Variants in CCDC73 observed in about 807,000 individuals in gnomAD.
CCDC73 encodes the protein coiled-coil domain-containing protein 73.
In CCDC73, 95 loss-of-function variants were observed where a neutral mutation model predicts 116.5. The observed-to-expected ratio is 0.82, with a 90% CI of 0.69 to 0.97. The LOEUF is 0.97. Among genes scored for constraint, CCDC73 ranks in the 50% least tolerant of loss-of-function variants. CCDC73 has a pLI of 0.00. For missense variants in CCDC73, 1,066 were observed against 1,206.8 expected (o/e 0.88, Z 1.73); for synonymous variants, 398 against 401.3 (o/e 0.99, Z 0.10).
rs1850404532 is a variant in CCDC73, at chr11:32,762,910, CT to C, written c.-15-2653del. Among the ~76,000 whole-genome samples, 7 of 152,280 alleles carry C rather than the reference CT, an allele frequency of 4.6e-5. No homozygotes were observed. The South Asian group carries it at 1.4e-3, about 32-fold the overall frequency. On this transcript the variant is annotated intron_variant, in intron 1 of 17. Coordinates refer to ENST00000335185, the MANE Select transcript of CCDC73 (RefSeq NM_001008391.4). Reference sequence around the variant, plus strand: ...GAGTCACTCCCACCCTAATACTGCACTTTTCCAAGGGTCCTAGCAAACGGCA... The same window carrying C: ...GAGTCACTCCCACCCTAATACTGCACTTTCCAAGGGTCCTAGCAAACGGCA...
At chr11:32,636,841 T>C (rs1156881262) in intron 13 of CCDC73, among the ~76,000 whole-genome samples, 1 of 151,850 alleles carries the variant, frequency 6.6e-6, no homozygotes, top group Non-Finnish European at 1.5e-5. Context: ...TCTTCATTCC[T>C]TCCTCTCCTA....
At chr11:32,685,956 G>A (rs547544217) in intron 6 of CCDC73, among the ~76,000 whole-genome samples, 5 of 151,856 alleles carry the variant, frequency 3.3e-5, no homozygotes, top group South Asian at 2.1e-4. Context: ...TCTTGACCTC[G>A]TGATCTGCCT....
At chr11:32,776,438 C>T (rs1489696535) in intron 1 of CCDC73, among the ~76,000 whole-genome samples, 1 of 152,084 alleles carries the variant, frequency 6.6e-6, no homozygotes, top group Admixed American at 6.6e-5. Flanking sequence ...TTTCATCCCC[C>T]TTTTCAACTT....
the CCDC73 span, among the ~76,000 whole-genome samples, chr11:32,828,528 A>AG: frequency 6.6e-6 from 1 of 151,276 alleles, no homozygotes. Context: ...AAAAAAAAAA[A>AG]TGAAGGGGGA....
intron 12 of CCDC73, among the ~76,000 whole-genome samples, chr11:32,649,552 T>C (rs1262462597): frequency 6.6e-6 from 1 of 152,180 alleles, no homozygotes; most frequent in Non-Finnish European, 1.5e-5. Context: ...ACAGGTAGAA[T>C]GAGAATGCTC....
At chr11:32,670,510 A>G (rs1355225009) in intron 9 of CCDC73, among the ~76,000 whole-genome samples, 2 of 134,590 alleles carry the variant, frequency 1.5e-5, no homozygotes, top group Non-Finnish European at 3.2e-5. Flanking sequence ...CAACAGAGCA[A>G]GGCTCTGTCT....
chr11:32,675,837 T>C, intron 8 of CCDC73, 49 bp downstream of exon 8: 2 of 1,461,322 alleles, frequency 1.4e-6, no homozygotes, highest in Non-Finnish European at 1.9e-6. Flanking sequence ...AATAAGTCCA[T>C]TCAAACATTC....
chr11:32,757,227 T>C (rs1401507434), intron 2 of CCDC73, among the ~76,000 whole-genome samples: 1 of 151,914 alleles, frequency 6.6e-6, no homozygotes. Context: ...TATAAAAATC[T>C]AGAACAGAGA....
At chr11:32,818,690 C>T in the CCDC73 span, among the ~76,000 whole-genome samples, 1,602 of 152,174 alleles carry the variant, frequency 0.011, 27 homozygotes, top group African/African-American at 0.036. Context: ...TTGAACAAAA[C>T]GCCGTATATC....
chr11:32,608,220 C>A (rs1464775335), intron 17 of CCDC73, among the ~76,000 whole-genome samples: 1 of 152,162 alleles, frequency 6.6e-6, no homozygotes, highest in African/African-American at 2.4e-5. Context: ...CAAAGTCTTA[C>A]TTCAGCATTA....
At position 32,695,138 on chromosome 11, in the gene CCDC73, G is replaced by A. The variant is rs575060673; in HGVS notation, c.390+4113C>T. On this transcript the variant is annotated intron_variant, in intron 6 of 17. Transcript: ENST00000335185. Reference sequence around the variant, plus strand: ...AATCCCAGCACTTTGGGAAGCCAAGGTGGGTGGATCACTAGAGGTTAGGAG... The same window carrying A: ...AATCCCAGCACTTTGGGAAGCCAAGATGGGTGGATCACTAGAGGTTAGGAG... Among the ~76,000 whole-genome samples, 28 of 152,326 alleles carry A rather than the reference G, an allele frequency of 1.8e-4. 1 individual carries two copies. Among genetic ancestry groups the A allele is most frequent in the African/African-American group, 5.1e-4 (21 of 41,578 alleles).
chr11:32,660,400 G>A (rs913327989), intron 9 of CCDC73, among the ~76,000 whole-genome samples: 1 of 151,718 alleles, frequency 6.6e-6, no homozygotes, highest in Non-Finnish European at 1.5e-5. Context: ...AACCACAAAG[G>A]CTCTACCTTT....
intron 12 of CCDC73, among the ~76,000 whole-genome samples, chr11:32,647,589 A>C (rs995047013): frequency 2.0e-5 from 3 of 152,208 alleles, no homozygotes; most frequent in African/African-American, 7.2e-5. Flanking sequence ...GGTAGGTTTC[A>C]CTGTGGATTG....
intron 13 of CCDC73, among the ~76,000 whole-genome samples, chr11:32,638,155 A>G (rs1331990365): frequency 1.3e-5 from 2 of 152,174 alleles, no homozygotes; most frequent in Non-Finnish European, 2.9e-5. Context: ...TCATTGTGGT[A>G]CTGTCCTAAT....
At chr11:32,684,843 G>A (rs1038606904) in intron 6 of CCDC73, among the ~76,000 whole-genome samples, 8 of 152,006 alleles carry the variant, frequency 5.3e-5, no homozygotes, top group African/African-American at 9.7e-5. Context: ...AGCTGGGTAC[G>A]CTGGTGTGTG....
upstream of CCDC73, among the ~76,000 whole-genome samples, chr11:32,795,775 C>T (rs548375985): frequency 3.3e-5 from 5 of 150,282 alleles, no homozygotes; most frequent in East Asian, 2.0e-4. Flanking sequence ...CTGCAACCTC[C>T]GCCTCCCGGG....
chr11:32,759,258 C>G (rs1020099718), intron 2 of CCDC73, among the ~76,000 whole-genome samples: 44 of 151,306 alleles, frequency 2.9e-4, no homozygotes, highest in Admixed American at 9.9e-4. Flanking sequence ...CCATACAAGT[C>G]TCAGAAATAA....
upstream of CCDC73, among the ~76,000 whole-genome samples, chr11:32,799,072 G>A (rs1020280220): frequency 6.8e-6 from 1 of 147,330 alleles, no homozygotes; most frequent in Non-Finnish European, 1.5e-5. Context: ...ACCACACTTG[G>A]CTAATTTTTT....
the CCDC73 span, among the ~76,000 whole-genome samples, chr11:32,803,462 T>G: frequency 6.6e-6 from 1 of 152,246 alleles, no homozygotes; most frequent in Admixed American, 6.5e-5. Flanking sequence ...CATGCACCTT[T>G]TAGTAAATAT....
Sources: gnomAD v4.1 joint callset for allele counts (sites outside exome capture counted in the v4.1 genomes callset) on GRCh38, gnomAD v4.1.1 for gene constraint, MANE v1.5 for transcripts, NCBI Gene and HGNC (gene_info 2026-07-23, HGNC 2026-07-21) for gene names.